ACADVL: variants seen among roughly 807,000 people sequenced by gnomAD.
ACADVL encodes the protein acyl-CoA dehydrogenase very long chain.
ACADVL carries 73 observed loss-of-function variants against 80.4 expected under a neutral mutation model. The ratio of observed to expected loss-of-function variants is 0.91; its 90% CI spans 0.75 to 1.10. The LOEUF (loss-of-function observed/expected upper bound fraction) is 1.10. Ranked by LOEUF, ACADVL falls within the 50% of genes least tolerant of loss-of-function variation. The pLI, the probability that ACADVL is intolerant of heterozygous loss-of-function variation, is 0.00. For missense variants in ACADVL, 878 were observed against 858.9 expected, an observed-to-expected ratio of 1.02 and a Z score of -0.28; for synonymous variants, 392 against 326.5, an observed-to-expected ratio of 1.20 and a Z score of -2.16.
Position 7,223,229 on chromosome 17 carries a change from G to T in ACADVL, c.1174G>T (p.Val392Leu), listed in dbSNP as rs746806439. 6.2e-7 allele frequency: 1 copy of T among 1,613,356 alleles called. No homozygotes were observed. Among genetic ancestry groups the T allele is most frequent in the Admixed American group, 1.7e-5 (1 of 60,028 alleles). Residue 392 changes from valine (V) to leucine (L), a missense_variant, in exon 11 of 20, where the codon GTA becomes TTA. Physicochemically the swap from Val to Leu is conservative, Grantham distance 32. Transcript: ENST00000356839. The part of the protein sequence containing the change: ...KLARMVMLQY[V>L]TESMAYMVSA... ...GGCACGGATGGTTATGCTGCAGTATGTAACTGAGGTGAGGGCCTCCCAAGC... is the reference window on the plus strand; with the variant it reads ...GGCACGGATGGTTATGCTGCAGTATTTAACTGAGGTGAGGGCCTCCCAAGC...
rs748299183 is a variant in ACADVL at position 7,223,195 on chromosome 17, G to A, written c.1140G>A (p.Gln380=). 2 of 1,614,120 alleles carry A rather than the reference G, an allele frequency of 1.2e-6. No homozygotes were observed. The highest frequency in any genetic ancestry group is 4.5e-5 in the East Asian group (2 of 44,884). ...GEKIHNFGLI[Q]EKLARMVMLQ... ...AAATTCACAACTTTGGGCTGATCCA[G>A]GAGAAGCTGGCACGGATGGTTATGC... The change falls in exon 11 of 20, where the codon CAG becomes CAA. Residue 380 remains glutamine, a synonymous_variant. Transcript: ENST00000356839.
At chr17:7,217,277 A>C, upstream of ACADVL, 1 of 828,852 alleles carries the variant, frequency 1.2e-6, no homozygotes, top group Admixed American at 7.9e-5. Context: ...GGATGGGGGG[A>C]GGGGTGAGAG....
chr17:7,219,821 G>A (rs1228249802), upstream of ACADVL: 2 of 1,532,438 alleles, frequency 1.3e-6, no homozygotes, highest in African/African-American at 1.4e-5. Flanking sequence ...CGCAGGGCCG[G>A]GCTCCAGGGA....
chr17:7,224,576 G>GC (rs2071387587), intron 17 of ACADVL, 24 bp downstream of exon 17: 2 of 1,607,764 alleles, frequency 1.2e-6, no homozygotes, highest in African/African-American at 2.7e-5. Context: ...ACACCATTCC[G>GC]CCCCTCCCTT....
chr17:7,217,828 C>A, upstream of ACADVL: 1 of 1,534,308 alleles, frequency 6.5e-7, no homozygotes, highest in South Asian at 1.2e-5. Flanking sequence ...GGCTGGATTT[C>A]ATTTCTTAGA....
chr17:7,218,442 CT>C, upstream of ACADVL: 1 of 1,400,258 alleles, frequency 7.1e-7, no homozygotes. Context: ...CTGCATGGTG[CT>C]CCAGCTTGGA....
upstream of ACADVL, chr17:7,217,646 G>C: frequency 7.7e-7 from 1 of 1,296,272 alleles, no homozygotes; most frequent in Non-Finnish European, 1.1e-6. Context: ...AGCAGGGGGA[G>C]GGAGGGAGGG....
chr17:7,224,448 C>T (rs2071379966), intron 16 of ACADVL, 32 bp from the exon 17 acceptor site: 1 of 1,613,852 alleles, frequency 6.2e-7, no homozygotes, highest in Non-Finnish European at 8.5e-7. Flanking sequence ...CCGATGGCCC[C>T]TCTGAGCCCC....
In ACADVL at chr17:7,225,126, A is replaced by G; in HGVS notation, c.*29A>G. ...CTCCCGGCCAGGGCCTGTCCCAGTT[A>G]TGTGCCTTCCCTCAAGCCAAAGCCG... On this transcript the variant is annotated 3_prime_UTR_variant, in exon 20 of 20. Coordinates refer to ENST00000356839, the MANE Select transcript of ACADVL (RefSeq NM_000018.4). The G allele has an allele frequency of 6.2e-7, 1 of 1,613,726 alleles. No individual in the cohort carries two copies. Among genetic ancestry groups the G allele is most frequent in the Non-Finnish European group, 8.5e-7 (1 of 1,180,014 alleles).
In ACADVL at chr17:7,220,542, G is replaced by A. The variant is rs990837045; in HGVS notation, c.204+13G>A. On this transcript the variant is annotated intron_variant, in intron 3 of 19. Transcript: ENST00000356839. The stretch of plus-strand genomic sequence containing the variant: ...ACCGGCCAAGGCGGTAGGTAGCCCC[G>A]AGGCCAGGTGGACCTTAGCCAGACC... The A allele has an allele frequency of 1.2e-6, 2 of 1,614,206 alleles. No individual in the cohort carries two copies. The highest frequency in any genetic ancestry group is 1.7e-6 in the Non-Finnish European group (2 of 1,180,030).
chr17:7,222,141 C>A (rs747964332), intron 8 of ACADVL, 36 bp from the exon 9 acceptor site: 9 of 1,614,060 alleles, frequency 5.6e-6, no homozygotes, highest in Non-Finnish European at 7.6e-6. Context: ...CACTGCTCCC[C>A]GTCCTCCACG....
chr17:7,224,210 T>G lies in ACADVL; in HGVS notation c.1499T>G (p.Leu500Arg), dbSNP rs750111958. The G allele has an allele frequency of 6.2e-7, 1 of 1,613,998 alleles. No individual in the cohort carries two copies. The highest frequency in any genetic ancestry group is 8.5e-7 in the Non-Finnish European group (1 of 1,179,984). The change falls in exon 15 of 20, where the codon CTC (leucine) becomes CGC (arginine). Residue 500 changes from leucine (L) to arginine (R), a missense_variant. Physicochemically the swap from Leu to Arg is moderately radical, Grantham distance 102 (BLOSUM62 -2). Transcript: ENST00000356839. The part of the protein sequence containing the change: ...ALKNPFGNAG[L>R]LLGEAGKQLR... ...AAGAATCCCTTTGGGAATGCTGGCC[T>G]CCTGCTAGGAGAGGCAGGCAAACAG...
At position 7,220,526 on chromosome 17, in the gene ACADVL, G is replaced by A. The variant is rs753577095; in HGVS notation, c.201G>A (p.Lys67=). Residue 67 remains lysine (K), a synonymous_variant, in exon 3 of 20, where the codon AAG becomes AAA. Coordinates refer to ENST00000356839, the MANE Select transcript of ACADVL (RefSeq NM_000018.4). The part of the protein sequence containing the change: ...SDALTRKKPA[K]AESKSFAVGM... Reference sequence around the variant, plus strand: ...CTCTGACCAGGAAAAAACCGGCCAAGGCGGTAGGTAGCCCCGAGGCCAGGT... The same window carrying A: ...CTCTGACCAGGAAAAAACCGGCCAAAGCGGTAGGTAGCCCCGAGGCCAGGT... The A allele has an allele frequency of 1.9e-6, 3 of 1,614,106 alleles. No homozygotes were observed. Among genetic ancestry groups the A allele is most frequent in the Non-Finnish European group, 2.5e-6 (3 of 1,180,050 alleles).
At chr17:7,221,819 GGTT>G (rs1331138634) in intron 7 of ACADVL, 130 bp from the exon 8 acceptor site, 9 of 1,586,352 alleles carry the variant, frequency 5.7e-6, no homozygotes, top group African/African-American at 1.3e-5. Flanking sequence ...ACAGTGTGCT[GGTT>G]GGGACATGCA....
At position 7,222,805 on chromosome 17, in the gene ACADVL, T is replaced by C. The variant is rs2142980519; in HGVS notation, c.1017T>C (p.Asn339=). The C allele has an allele frequency of 2.5e-6, 4 of 1,613,852 alleles. No homozygotes were observed. In the Admixed American group the frequency reaches 6.7e-5, roughly 27 times the overall value. ...AGGTTGCCATGCACATCCTCAACAA[T>C]GGAAGGTTTGGCATGGCTGCGGCCC... The part of the protein sequence containing the change: ...GFKVAMHILN[N]GRFGMAAALA... Residue 339 remains asparagine (N), a synonymous_variant, in exon 10 of 20, where the codon AAT becomes AAC. Coordinates refer to ENST00000356839, the MANE Select transcript of ACADVL (RefSeq NM_000018.4).
At position 7,220,181 on chromosome 17, in the gene ACADVL, C is replaced by G. The variant is rs1567560112; in HGVS notation, c.122C>G (p.Ala41Gly). 1.3e-6 allele frequency: 2 copies of G among 1,534,434 alleles called. No homozygotes were observed. The highest frequency in any genetic ancestry group is 2.4e-5 in the East Asian group (1 of 41,286). Reference protein sequence around the residue: ...PRPGPARRPYAGGAAQLALDK... With the variant: ...PRPGPARRPYGGGAAQLALDK... Reference sequence around the variant, plus strand: ...CCCGGCCCTGCCCGGCGGCCCTATGCCGGGGGTGCCGCTCAGGTAAGTCAC... The same window carrying G: ...CCCGGCCCTGCCCGGCGGCCCTATGGCGGGGGTGCCGCTCAGGTAAGTCAC... Residue 41 changes from alanine (A) to glycine (G), a missense_variant, in exon 2 of 20, where the codon GCC becomes GGC. Transcript: ENST00000356839.
chr17:7,222,782 G>T lies in ACADVL; in HGVS notation c.994G>T (p.Val332Phe). The change falls in exon 10 of 20, where the codon GTT (valine) becomes TTT (phenylalanine). Residue 332 changes from valine to phenylalanine, a missense_variant. Physicochemically the swap from Val to Phe is conservative, Grantham distance 50 (BLOSUM62 -1). Coordinates refer to ENST00000356839, the MANE Select transcript of ACADVL (RefSeq NM_000018.4). ...VLGEVGSGFK[V>F]AMHILNNGRF... ...GGGTGAGGTTGGGAGTGGCTTCAAG[G>T]TTGCCATGCACATCCTCAACAATGG... is the stretch of plus-strand genomic sequence containing the variant. The T allele has an allele frequency of 2.5e-6, 4 of 1,614,052 alleles. No individual in the cohort carries two copies. Among genetic ancestry groups the T allele is most frequent in the Non-Finnish European group, 3.4e-6 (4 of 1,180,020 alleles).
At chr17:7,217,638 CAG>C, upstream of ACADVL, 1 of 1,265,462 alleles carries the variant, frequency 7.9e-7, no homozygotes, top group South Asian at 1.3e-5. Context: ...AGAGAGGAAG[CAG>C]GGGGAGGGAG....
In ACADVL at chr17:7,224,225, C is replaced by T; in HGVS notation, c.1514C>T (p.Ala505Val). 6.2e-7 allele frequency: 1 copy of T among 1,613,982 alleles called. No individual in the cohort carries two copies. Among genetic ancestry groups the T allele is most frequent in the South Asian group, 1.1e-5 (1 of 91,090 alleles). Residue 505 changes from alanine (A) to valine (V), a missense_variant, in exon 15 of 20, where the codon GCA becomes GTA. Transcript: ENST00000356839. ...AATGCTGGCCTCCTGCTAGGAGAGG[C>T]AGGCAAACAGCTGAGGCGGTAGGCT... ...FGNAGLLLGE[A>V]GKQLRRRAGL...
Sources: allele counts gnomAD v4.1 joint callset, GRCh38; gene constraint gnomAD v4.1.1; transcripts MANE v1.5; gene names NCBI Gene and HGNC (gene_info 2026-07-23, HGNC 2026-07-21).